Variants in TMEM163 observed in about 807,000 individuals in gnomAD.
TMEM163 encodes the protein transmembrane protein 163.
A neutral mutation model predicts 29.3 loss-of-function variants in TMEM163; 17 were observed. The observed-to-expected ratio is 0.58, with a 90% CI of 0.40 to 0.87. The LOEUF is 0.87. Ranked by LOEUF, TMEM163 falls within the 40% of genes least tolerant of loss-of-function variation. TMEM163 has a pLI of 0.00. For missense variants in TMEM163, 303 were observed against 381.5 expected (o/e 0.79, Z 1.71); for synonymous variants, 157 against 160.6 (o/e 0.98, Z 0.17).
At chr2:134,613,142 G>T (rs76772482) in intron 2 of TMEM163, among the ~76,000 whole-genome samples, 1,878 of 152,282 alleles carry the variant, frequency 0.012, 48 homozygotes, top group African/African-American at 0.041. Context: ...TACAGCAGGT[G>T]CTTAACACCA....
chr2:134,588,509 C>T (rs1332377639), intron 2 of TMEM163, among the ~76,000 whole-genome samples: 2 of 152,150 alleles, frequency 1.3e-5, no homozygotes, highest in East Asian at 3.9e-4. Context: ...CAAGGTCATC[C>T]CTGGGGACAA....
At chr2:134,708,479 C>A (rs1419428131) in intron 2 of TMEM163, among the ~76,000 whole-genome samples, 4 of 152,016 alleles carry the variant, frequency 2.6e-5, no homozygotes, top group African/African-American at 7.2e-5. Flanking sequence ...ATTTTAAAAT[C>A]TCCACATCTA....
At chr2:134,648,125 A>G (rs868470865) in intron 2 of TMEM163, among the ~76,000 whole-genome samples, 13 of 152,296 alleles carry the variant, frequency 8.5e-5, no homozygotes, top group Middle Eastern at 3.4e-3. Context: ...TGGCGATGAA[A>G]GTGGCTCTCA....
intron 2 of TMEM163, among the ~76,000 whole-genome samples, chr2:134,648,707 T>C (rs573092010): frequency 2.0e-5 from 3 of 152,342 alleles, no homozygotes; most frequent in African/African-American, 7.2e-5. Context: ...TGATAACTCA[T>C]CAATCTGTGT....
intron 2 of TMEM163, among the ~76,000 whole-genome samples, chr2:134,694,496 T>C (rs1684537817): frequency 6.6e-6 from 1 of 152,202 alleles, no homozygotes; most frequent in South Asian, 2.1e-4. Flanking sequence ...TAAGAACTTA[T>C]TTCACCAGAA....
intron 2 of TMEM163, among the ~76,000 whole-genome samples, chr2:134,646,043 T>C (rs1286673242): frequency 6.6e-6 from 1 of 152,146 alleles, no homozygotes; most frequent in African/African-American, 2.4e-5. Context: ...TTACAGTATC[T>C]GAGGATTAAC....
chr2:134,483,747 A>G (rs773691663), intron 5 of TMEM163, among the ~76,000 whole-genome samples: 4 of 151,960 alleles, frequency 2.6e-5, no homozygotes, highest in Non-Finnish European at 5.9e-5. Context: ...ACCCAAAAAG[A>G]CATGTACGAC....
chr2:134,469,008 C>CA (rs1301510496), intron 5 of TMEM163: 1 of 152,232 alleles, frequency 6.6e-6, no homozygotes, highest in East Asian at 1.9e-4. Context: ...TGAAGGGGCC[C>CA]AAACACATGA....
At chr2:134,580,765 T>A (rs956897940) in intron 2 of TMEM163, among the ~76,000 whole-genome samples, 24 of 151,990 alleles carry the variant, frequency 1.6e-4, no homozygotes, top group African/African-American at 5.3e-4. Flanking sequence ...ATACAAAAAT[T>A]AGCCGAGAGT....
intron 2 of TMEM163, among the ~76,000 whole-genome samples, chr2:134,594,158 A>G (rs1014822844): frequency 6.6e-6 from 1 of 152,144 alleles, no homozygotes; most frequent in South Asian, 2.1e-4. Flanking sequence ...GGCTTACTCA[A>G]GAAACACTTG....
intron 2 of TMEM163, among the ~76,000 whole-genome samples, chr2:134,561,763 A>G (rs1035234994): frequency 7.9e-5 from 12 of 152,136 alleles, no homozygotes; most frequent in Admixed American, 7.9e-4. Context: ...ACCACACTCA[A>G]TTCATGTCCT....
At chr2:134,691,496 T>C (rs959924094) in intron 2 of TMEM163, among the ~76,000 whole-genome samples, 8 of 152,210 alleles carry the variant, frequency 5.3e-5, no homozygotes, top group Admixed American at 1.3e-4. Flanking sequence ...TGAATGTTAT[T>C]CATTGTATTT....
chr2:134,600,343 T>C (rs189204787), intron 2 of TMEM163, among the ~76,000 whole-genome samples: 1 of 152,224 alleles, frequency 6.6e-6, no homozygotes, highest in Admixed American at 6.5e-5. Flanking sequence ...AACAATGGCA[T>C]AAAAAATCTT....
chr2:134,631,962 AT>A (rs1368496887), intron 2 of TMEM163, among the ~76,000 whole-genome samples: 1 of 152,232 alleles, frequency 6.6e-6, no homozygotes, highest in South Asian at 2.1e-4. Flanking sequence ...AAGAGACAGT[AT>A]GACAAGTTCA....
chr2:134,612,556 C>T (rs1682529511), intron 2 of TMEM163, among the ~76,000 whole-genome samples: 1 of 151,578 alleles, frequency 6.6e-6, no homozygotes. Flanking sequence ...CACACACACA[C>T]ACACACACAC....
At chr2:134,577,028 G>C (rs1469221176) in intron 2 of TMEM163, among the ~76,000 whole-genome samples, 1 of 152,162 alleles carries the variant, frequency 6.6e-6, no homozygotes, top group African/African-American at 2.4e-5. Context: ...AGGAGCTGCA[G>C]CTATCTTATT....
At chr2:134,533,739 C>T (rs1479315322) in intron 4 of TMEM163, among the ~76,000 whole-genome samples, 2 of 152,132 alleles carry the variant, frequency 1.3e-5, no homozygotes, top group Non-Finnish European at 2.9e-5. Flanking sequence ...ATAATCAAAA[C>T]TTCCTCCCCA....
chr2:134,692,687 TGTC>T (rs1178398982), intron 2 of TMEM163, among the ~76,000 whole-genome samples: 2 of 152,054 alleles, frequency 1.3e-5, no homozygotes, highest in African/African-American at 4.8e-5. Flanking sequence ...AGCCCTCTGG[TGTC>T]TCTTCTTATA....
chr2:134,474,514 C>T (rs923373336), intron 5 of TMEM163, among the ~76,000 whole-genome samples: 1 of 152,148 alleles, frequency 6.6e-6, no homozygotes, highest in Non-Finnish European at 1.5e-5. Flanking sequence ...TTCCATTTGA[C>T]TCTGATTAGG....
Sources: gnomAD v4.1 joint callset for allele counts (sites outside exome capture counted in the v4.1 genomes callset) on GRCh38, gnomAD v4.1.1 for gene constraint, MANE v1.5 for transcripts, NCBI Gene and HGNC (gene_info 2026-07-23, HGNC 2026-07-21) for gene names.